Variants in SH3RF3 observed in about 807,000 individuals in gnomAD.
SH3RF3 encodes the protein E3 ubiquitin-protein ligase SH3RF3.
SH3RF3 carries 29 observed loss-of-function variants against 66.3 expected under a neutral mutation model. The observed-to-expected ratio is 0.44, with a 90% CI of 0.33 to 0.60. The LOEUF (loss-of-function observed/expected upper bound fraction) is 0.60. Ranked by LOEUF, SH3RF3 falls within the 20% of genes least tolerant of loss-of-function variation. SH3RF3 has a pLI of 0.04. For missense variants in SH3RF3, 1,194 were observed against 1,190.9 expected, an observed-to-expected ratio of 1.00 and a Z score of -0.04; for synonymous variants, 583 against 532.0, an observed-to-expected ratio of 1.10 and a Z score of -1.32.
rs1679437623 is a variant in SH3RF3 at position 109,503,032 on chromosome 2, A to T, written c.*1361A>T. 1 of 152,184 alleles carries T rather than the reference A, an allele frequency of 6.6e-6. No homozygotes were observed. Among genetic ancestry groups the T allele is most frequent in the Non-Finnish European group, 1.5e-5 (1 of 68,040 alleles). The allele number at this position is 152,184 out of a possible 1,614,324, so 9.4% of individuals were successfully genotyped here. A position where few individuals can be genotyped will look rare whatever the true frequency, so the allele number is the denominator to read the frequency against. On this transcript the variant is annotated 3_prime_UTR_variant, in exon 10 of 10. Coordinates refer to ENST00000309415, the MANE Select transcript of SH3RF3 (RefSeq NM_001099289.3). ...GGGAGGGCGAGAGAGGAGGAGGTGCAGCTTTGATGCTGGGACCTCCCTGAG... is the reference window on the plus strand; with the variant it reads ...GGGAGGGCGAGAGAGGAGGAGGTGCTGCTTTGATGCTGGGACCTCCCTGAG...
chr2:109,256,823 G>A (rs79206842), intron 1 of SH3RF3, among the ~76,000 whole-genome samples: 9,688 of 152,226 alleles, frequency 0.064, 554 homozygotes, highest in East Asian at 0.32. Flanking sequence ...TGGCAGTGCC[G>A]GGTGACAGGT....
At chr2:109,226,455 C>T (rs1288549480) in intron 1 of SH3RF3, among the ~76,000 whole-genome samples, 2 of 152,164 alleles carry the variant, frequency 1.3e-5, no homozygotes, top group African/African-American at 4.8e-5. Context: ...CAGTCCTCAT[C>T]GTTAAGTAAG....
intron 8 of SH3RF3, among the ~76,000 whole-genome samples, chr2:109,458,511 A>C (rs1678120219): frequency 6.6e-6 from 1 of 151,598 alleles, no homozygotes; most frequent in African/African-American, 2.4e-5. Flanking sequence ...GGAATACTAT[A>C]AAAATTAATT....
chr2:109,245,928 T>C (rs917717029), intron 1 of SH3RF3, among the ~76,000 whole-genome samples: 35 of 152,134 alleles, frequency 2.3e-4, no homozygotes, highest in Non-Finnish European at 5.9e-5. Context: ...AGGAAATCCT[T>C]TGAGGGAACA....
chr2:109,230,347 T>TG, intron 1 of SH3RF3, among the ~76,000 whole-genome samples: 1 of 151,898 alleles, frequency 6.6e-6, no homozygotes, highest in African/African-American at 2.4e-5. Flanking sequence ...GAGGCCAAGG[T>TG]GGGGGGCTCT....
chr2:109,145,874 G>A (rs1180303593), intron 1 of SH3RF3, among the ~76,000 whole-genome samples: 1 of 152,190 alleles, frequency 6.6e-6, no homozygotes, highest in Non-Finnish European at 1.5e-5. Context: ...CAGAGCTGGG[G>A]AGGCTGCGTA....
chr2:109,186,419 G>A (rs145159415), intron 1 of SH3RF3, among the ~76,000 whole-genome samples: 235 of 152,358 alleles, frequency 1.5e-3, no homozygotes, highest in Non-Finnish European at 2.5e-3. Flanking sequence ...CGAACCTGGG[G>A]AGTGAGGCTT....
At chr2:109,170,946 G>A (rs868064223) in intron 1 of SH3RF3, among the ~76,000 whole-genome samples, 4 of 152,186 alleles carry the variant, frequency 2.6e-5, no homozygotes, top group South Asian at 4.1e-4. Context: ...AGCCCACACC[G>A]GGCTGGGTGC....
chr2:109,142,045 G>C (rs190487081), intron 1 of SH3RF3, among the ~76,000 whole-genome samples: 1 of 147,582 alleles, frequency 6.8e-6, no homozygotes, highest in East Asian at 2.0e-4. Flanking sequence ...GAGTCTCCTG[G>C]GGGGGGGGTC....
In SH3RF3 at chr2:109,171,567, G is replaced by A. The variant is rs571256439; in HGVS notation, c.573+41454G>A. Among the ~76,000 whole-genome samples, 493 of 152,358 alleles carry A rather than the reference G, an allele frequency of 3.2e-3. 2 individuals carry two copies. Among genetic ancestry groups the A allele is most frequent in the African/African-American group, 0.011 (478 of 41,592 alleles). On this transcript the variant is annotated intron_variant, in intron 1 of 9. Coordinates refer to ENST00000309415, the MANE Select transcript of SH3RF3 (RefSeq NM_001099289.3). ...GGGCCAGGGAAGTGCATTAGAACAC[G>A]GAGCACAGGGAGCTATTTCCTTCTC...
Position 109,386,158 on chromosome 2 carries a change from C to T in SH3RF3, c.946-12432C>T, listed in dbSNP as rs1048973202. Among the ~76,000 whole-genome samples the T allele has an allele frequency of 1.4e-4, 22 of 152,286 alleles. No individual in the cohort carries two copies. The East Asian group carries it at 2.5e-3, about 17-fold the overall frequency. ...AGAGGGTCAAGGCTGCAAAGCTGAC[C>T]GCCTTGCCTGGAATTGCTCCTTTCA... On this transcript the variant is annotated intron_variant, in intron 3 of 9. Transcript: ENST00000309415.
intron 1 of SH3RF3, among the ~76,000 whole-genome samples, chr2:109,160,244 A>C (rs912521007): frequency 2.0e-5 from 3 of 152,222 alleles, no homozygotes; most frequent in Admixed American, 2.0e-4. Flanking sequence ...GCTGCTGAGC[A>C]GGGTGACCCA....
At chr2:109,145,813 G>A (rs1677084019) in intron 1 of SH3RF3, among the ~76,000 whole-genome samples, 1 of 152,194 alleles carries the variant, frequency 6.6e-6, no homozygotes, top group Non-Finnish European at 1.5e-5. Context: ...GGGGTGTAGT[G>A]GCCAGTGGCA....
intron 1 of SH3RF3, among the ~76,000 whole-genome samples, chr2:109,181,375 A>G (rs987993949): frequency 6.6e-6 from 1 of 152,218 alleles, no homozygotes; most frequent in Non-Finnish European, 1.5e-5. Context: ...CCAGGGTTTC[A>G]GCAGTCTTGC....
intron 5 of SH3RF3, among the ~76,000 whole-genome samples, chr2:109,423,406 G>A (rs1435868591): frequency 6.6e-6 from 1 of 152,132 alleles, no homozygotes; most frequent in Admixed American, 6.5e-5. Flanking sequence ...ATTTGTGCGT[G>A]TGGTCAAAAG....
At chr2:109,163,390 CTTTTTTTTTTTT>C (rs70956302) in intron 1 of SH3RF3, among the ~76,000 whole-genome samples, 5 of 70,268 alleles carry the variant, frequency 7.1e-5, no homozygotes, top group Admixed American at 2.3e-4. Flanking sequence ...AGCAAATATT[CTTTTTTTTTTTT>C]TTTTTTTTTT....
At chr2:109,241,576 G>C (rs971996572) in intron 1 of SH3RF3, among the ~76,000 whole-genome samples, 1 of 151,930 alleles carries the variant, frequency 6.6e-6, no homozygotes, top group Non-Finnish European at 1.5e-5. Flanking sequence ...CTCCCACTTG[G>C]CCTCAGGCAT....
chr2:109,231,296 G>A (rs530076716), intron 1 of SH3RF3, among the ~76,000 whole-genome samples: 5 of 152,274 alleles, frequency 3.3e-5, no homozygotes, highest in African/African-American at 4.8e-5. Context: ...GGATGTGGGA[G>A]AGGTGAGCTA....
intron 1 of SH3RF3, among the ~76,000 whole-genome samples, chr2:109,157,992 C>A (rs1346038486): frequency 6.6e-6 from 1 of 152,160 alleles, no homozygotes; most frequent in Non-Finnish European, 1.5e-5. Flanking sequence ...AGTAACCCTC[C>A]TTGAGCCCGT....
Sources: gnomAD v4.1 joint callset for allele counts (sites outside exome capture counted in the v4.1 genomes callset) on GRCh38, gnomAD v4.1.1 for gene constraint, MANE v1.5 for transcripts, NCBI Gene and HGNC (gene_info 2026-07-23, HGNC 2026-07-21) for gene names.